NTRK2: variants seen among roughly 807,000 people sequenced by gnomAD.
NTRK2 encodes BDNF/NT-3 growth factors receptor.
Under a neutral mutation model 94.5 loss-of-function variants are expected in NTRK2, and 13 were observed. That is an observed-to-expected ratio of 0.14 (90% CI 0.09 to 0.22). NTRK2 has a LOEUF of 0.22. NTRK2 is among the 10% of genes least tolerant of loss of function. The pLI is 1.00. For synonymous variants in NTRK2, 372 were observed against 407.4 expected, an observed-to-expected ratio of 0.91 and a Z score of 1.05; for missense variants, 639 against 1,071.2, an observed-to-expected ratio of 0.60 and a Z score of 5.63.
At chr9:84,954,945 C>T (rs1380314882) in intron 16 of NTRK2, among the ~76,000 whole-genome samples, 4 of 152,170 alleles carry the variant, frequency 2.6e-5, no homozygotes, top group African/African-American at 9.7e-5. Flanking sequence ...GGTCAGGGGG[C>T]CCTGGTAAGT....
At chr9:84,772,951 C>G (rs150528168) in intron 12 of NTRK2, among the ~76,000 whole-genome samples, 2 of 152,138 alleles carry the variant, frequency 1.3e-5, no homozygotes, top group African/African-American at 4.8e-5. Context: ...GGAGTTGATA[C>G]TGCAGGCACA....
intron 14 of NTRK2, among the ~76,000 whole-genome samples, chr9:84,930,496 G>A (rs1238587754): frequency 6.6e-6 from 1 of 152,190 alleles, no homozygotes; most frequent in Admixed American, 6.5e-5. Context: ...TAAAGGATCA[G>A]AAATCAGGTG....
In NTRK2 at chr9:85,025,023, G is replaced by T. The variant is rs558062032; in HGVS notation, c.*3586G>T. 4.3e-6 allele frequency: 1 copy of T among 233,096 alleles called. No homozygotes were observed. Among genetic ancestry groups the T allele is most frequent in the Non-Finnish European group, 8.5e-6 (1 of 117,970 alleles). 14.4% of individuals were successfully genotyped at this position (233,096 alleles called of 1,614,324 possible). ...TAATAGAGGTAATTATAAGTAGGAT[G>T]CGGTATGAATAATTTGCTTAAAATA... On this transcript the variant is annotated 3_prime_UTR_variant, in exon 19 of 19. Transcript: ENST00000277120.
chr9:84,878,319 C>G (rs904505142), intron 14 of NTRK2, among the ~76,000 whole-genome samples: 1 of 152,164 alleles, frequency 6.6e-6, no homozygotes, highest in South Asian at 2.1e-4. Context: ...AGTTCAGGGT[C>G]AGATCCTGTC....
chr9:84,858,599 C>T (rs772578402), intron 12 of NTRK2, among the ~76,000 whole-genome samples: 2 of 151,624 alleles, frequency 1.3e-5, no homozygotes, highest in African/African-American at 4.8e-5. Flanking sequence ...TTTCTCGAGC[C>T]GCCTCCCAAC....
intron 14 of NTRK2, among the ~76,000 whole-genome samples, chr9:84,927,277 C>T (rs899264297): frequency 6.6e-6 from 1 of 152,170 alleles, no homozygotes; most frequent in African/African-American, 2.4e-5. Flanking sequence ...TCTTAACTTC[C>T]TATTTTATTT....
intron 16 of NTRK2, among the ~76,000 whole-genome samples, chr9:84,953,546 G>A (rs1294397700): frequency 6.6e-6 from 1 of 152,232 alleles, no homozygotes; most frequent in Non-Finnish European, 1.5e-5. Context: ...CTTACCTTGA[G>A]TAGGTGCTTT....
At chr9:84,684,091 T>C (rs899661114) in intron 2 of NTRK2, among the ~76,000 whole-genome samples, 9 of 152,188 alleles carry the variant, frequency 5.9e-5, no homozygotes, top group Non-Finnish European at 5.9e-5. Context: ...ATTCTGGATA[T>C]TAGACCTTTG....
At chr9:84,725,950 G>T (rs990678762) in intron 8 of NTRK2, among the ~76,000 whole-genome samples, 1 of 152,108 alleles carries the variant, frequency 6.6e-6, no homozygotes, top group Non-Finnish European at 1.5e-5. Context: ...AAATCTTTCC[G>T]TAAATTATGA....
Position 85,021,242 on chromosome 9 carries a change from C to G in NTRK2, c.2332-10C>G, listed in dbSNP as rs1220689287. On this transcript the variant is annotated splice_polypyrimidine_tract_variant and intron_variant, in intron 18 of 18. Transcript: ENST00000277120. The stretch of plus-strand genomic sequence containing the variant: ...CCTCCTGTCTCATCCTATCTTTGAT[C>G]TCCATCCAGGTGATAGAGTGTATCA... 1.2e-6 allele frequency: 2 copies of G among 1,613,346 alleles called. No individual in the cohort carries two copies. The highest frequency in any genetic ancestry group is 1.7e-6 in the Non-Finnish European group (2 of 1,179,554).
chr9:84,812,986 A>G, intron 12 of NTRK2: 1 of 1,035,310 alleles, frequency 9.7e-7, no homozygotes. Flanking sequence ...ATGATCAGTA[A>G]CATAGCTTCT....
At chr9:84,783,257 C>G (rs2067781341) in intron 12 of NTRK2, among the ~76,000 whole-genome samples, 1 of 152,170 alleles carries the variant, frequency 6.6e-6, no homozygotes, top group Non-Finnish European at 1.5e-5. Context: ...CTCTTTATCA[C>G]AATGTATTTT....
intron 17 of NTRK2, among the ~76,000 whole-genome samples, chr9:84,966,407 C>T (rs1324966878): frequency 6.6e-6 from 1 of 152,106 alleles, no homozygotes; most frequent in African/African-American, 2.4e-5. Flanking sequence ...TGATGTCCAG[C>T]CAAGTGTAGA....
chr9:84,918,310 G>T (rs548743097), intron 14 of NTRK2, among the ~76,000 whole-genome samples: 2 of 152,152 alleles, frequency 1.3e-5, no homozygotes, highest in African/African-American at 4.8e-5. Context: ...CCTCTTTTCT[G>T]CCTCCTTTGC....
intron 14 of NTRK2, among the ~76,000 whole-genome samples, chr9:84,902,123 G>A (rs752532155): frequency 2.0e-5 from 3 of 151,562 alleles, no homozygotes. Flanking sequence ...TTGAACCTGG[G>A]AGTCAGAAGC....
At position 85,024,770 on chromosome 9, in the gene NTRK2, A is replaced by C. The variant is rs1832950233; in HGVS notation, c.*3333A>C. On this transcript the variant is annotated 3_prime_UTR_variant, in exon 19 of 19. Coordinates refer to ENST00000277120, the MANE Select transcript of NTRK2 (RefSeq NM_006180.6). ...CTCTTAGCTTCAGCTAAATTCAGCTAAATTCTTGTACACTGAACCAATGTC... is the reference window on the plus strand; with the variant it reads ...CTCTTAGCTTCAGCTAAATTCAGCTCAATTCTTGTACACTGAACCAATGTC... 4.3e-6 allele frequency: 1 copy of C among 233,022 alleles called. No homozygotes were observed. The highest frequency in any genetic ancestry group is 8.5e-6 in the Non-Finnish European group (1 of 117,978). The allele number at this position is 233,022 out of a possible 1,614,324, so 14.4% of individuals were successfully genotyped here.
chr9:85,000,701 A>G (rs1218978201), intron 17 of NTRK2, among the ~76,000 whole-genome samples: 1 of 152,224 alleles, frequency 6.6e-6, no homozygotes, highest in East Asian at 1.9e-4. Context: ...TTTGGCAATT[A>G]TGAATAAAGC....
intron 14 of NTRK2, among the ~76,000 whole-genome samples, chr9:84,917,189 A>T (rs1232214418): frequency 1.3e-5 from 2 of 152,198 alleles, no homozygotes; most frequent in African/African-American, 4.8e-5. Context: ...GAGACAAACC[A>T]TTTTTGTACA....
intron 14 of NTRK2, among the ~76,000 whole-genome samples, chr9:84,885,468 T>A (rs920801750): frequency 6.6e-6 from 1 of 152,174 alleles, no homozygotes; most frequent in Non-Finnish European, 1.5e-5. Context: ...TGTATGGTAA[T>A]AAACTGAGCA....
Sources: gnomAD v4.1 joint callset for allele counts (sites outside exome capture counted in the v4.1 genomes callset) on GRCh38, gnomAD v4.1.1 for gene constraint, MANE v1.5 for transcripts, NCBI Gene and HGNC (gene_info 2026-07-23, HGNC 2026-07-21) for gene names.